Variants in MKNK1 observed in about 807,000 individuals in gnomAD.
The protein encoded by MKNK1 is MAP kinase-interacting serine/threonine-protein kinase 1.
In MKNK1, 30 loss-of-function variants were observed where a neutral mutation model predicts 49.3. That is an observed-to-expected ratio of 0.61 (90% CI 0.46 to 0.83). MKNK1 has a LOEUF of 0.83. Ranked by LOEUF, MKNK1 falls within the 40% of genes least tolerant of loss-of-function variation. The pLI, the probability that MKNK1 is intolerant of heterozygous loss-of-function variation, is 0.00. For missense variants in MKNK1, 423 were observed against 524.7 expected, an observed-to-expected ratio of 0.81 and a Z score of 1.89; for synonymous variants, 176 against 201.7, an observed-to-expected ratio of 0.87 and a Z score of 1.08.
intron 4 of MKNK1, among the ~76,000 whole-genome samples, chr1:46,578,136 C>A (rs1054564894): frequency 6.6e-6 from 1 of 152,344 alleles, no homozygotes; most frequent in South Asian, 2.1e-4. Flanking sequence ...AAGCCTTCCA[C>A]AGCACAGTCT....
intron 8 of MKNK1, among the ~76,000 whole-genome samples, chr1:46,567,244 A>G (rs1463838614): frequency 6.6e-6 from 1 of 152,174 alleles, no homozygotes; most frequent in Non-Finnish European, 1.5e-5. Context: ...CCTGGTCCCA[A>G]TTATTCCTCT....
chr1:46,575,143 G>A (rs1268418066), intron 5 of MKNK1, 123 bp from the exon 6 acceptor site: 3 of 631,988 alleles, frequency 4.7e-6, no homozygotes, highest in Non-Finnish European at 8.2e-6. Context: ...AAACCAACTT[G>A]AAATCAGAAT....
intron 3 of MKNK1, among the ~76,000 whole-genome samples, chr1:46,582,338 G>A (rs1671869445): frequency 6.6e-6 from 1 of 152,212 alleles, no homozygotes; most frequent in Non-Finnish European, 1.5e-5. Flanking sequence ...TTATTCGTAA[G>A]TGTTTTAAAT....
At chr1:46,595,788 A>T (rs771344123) in intron 1 of MKNK1, among the ~76,000 whole-genome samples, 1 of 152,162 alleles carries the variant, frequency 6.6e-6, no homozygotes, top group Non-Finnish European at 1.5e-5. Flanking sequence ...ATCTGGCTCC[A>T]TTAGCCAGGC....
At chr1:46,581,737 C>T (rs939172931) in intron 3 of MKNK1, among the ~76,000 whole-genome samples, 11 of 152,050 alleles carry the variant, frequency 7.2e-5, no homozygotes, top group African/African-American at 2.4e-4. Flanking sequence ...CCAGAAGTCA[C>T]CCACAGGAAA....
chr1:46,581,508 CAAAAAAAAAAA>C (rs36099600), intron 3 of MKNK1, among the ~76,000 whole-genome samples: 7 of 41,634 alleles, frequency 1.7e-4, no homozygotes, highest in South Asian at 1.6e-3. Context: ...GACCCCATAT[CAAAAAAAAAAA>C]AAAAAAAAAA....
At chr1:46,565,182 G>T (rs534948235) in intron 8 of MKNK1, 46 bp from the exon 9 acceptor site, 1 of 1,567,280 alleles carries the variant, frequency 6.4e-7, no homozygotes, top group African/African-American at 1.4e-5. Context: ...AAGAAACTAC[G>T]GGGCAAGAGG....
chr1:46,580,976 C>T (rs972242346), intron 3 of MKNK1, among the ~76,000 whole-genome samples: 5 of 152,162 alleles, frequency 3.3e-5, no homozygotes, highest in Non-Finnish European at 7.4e-5. Flanking sequence ...AATCCTAGCA[C>T]TTTGGGAGGC....
intron 3 of MKNK1, among the ~76,000 whole-genome samples, chr1:46,580,919 C>G (rs1372371679): frequency 6.6e-6 from 1 of 152,156 alleles, no homozygotes; most frequent in Non-Finnish European, 1.5e-5. Context: ...GACAGCATAA[C>G]AGAGTAAGGA....
At chr1:46,602,365 T>C (rs1674850040) in intron 1 of MKNK1, among the ~76,000 whole-genome samples, 1 of 152,094 alleles carries the variant, frequency 6.6e-6, no homozygotes. Flanking sequence ...TGAGCCGAGA[T>C]TGTGCCACTG....
At chr1:46,600,658 C>T (rs1055355784) in intron 1 of MKNK1, among the ~76,000 whole-genome samples, 3 of 152,190 alleles carry the variant, frequency 2.0e-5, no homozygotes, top group Non-Finnish European at 4.4e-5. Context: ...GAGAACTGTT[C>T]CACCCCACTG....
At chr1:46,581,052 T>G (rs1253780040) in intron 3 of MKNK1, among the ~76,000 whole-genome samples, 1 of 151,756 alleles carries the variant, frequency 6.6e-6, no homozygotes. Context: ...CAAGACCCCA[T>G]CTCTAAAATA....
intron 2 of MKNK1, among the ~76,000 whole-genome samples, chr1:46,585,249 C>CA (rs58692301): frequency 4.8e-5 from 3 of 62,132 alleles, no homozygotes; most frequent in East Asian, 5.6e-4. Context: ...GATTCCGTCT[C>CA]AAAAAAAAAA....
intron 1 of MKNK1, among the ~76,000 whole-genome samples, chr1:46,599,840 A>G (rs1300482179): frequency 6.6e-6 from 1 of 152,238 alleles, no homozygotes; most frequent in African/African-American, 2.4e-5. Context: ...GATTAAATAT[A>G]GTATGTAAAG....
chr1:46,562,078 C>T (rs763903806), intron 10 of MKNK1, among the ~76,000 whole-genome samples: 3 of 152,086 alleles, frequency 2.0e-5, no homozygotes, highest in Non-Finnish European at 2.9e-5. Context: ...GTCCCTCTTC[C>T]GCAGGGCAGG....
Position 46,562,364 on chromosome 1 carries a change from C to A in MKNK1, c.804+285G>T, listed in dbSNP as rs1019741740. Among the ~76,000 whole-genome samples, 5 of 136,614 alleles carry A rather than the reference C, an allele frequency of 3.7e-5. No homozygotes were observed. In the Admixed American group the frequency reaches 4.0e-4, roughly 11 times the overall value. 89.6% of individuals were successfully genotyped at this position (136,614 alleles called of 152,430 possible). A position where few individuals can be genotyped will look rare whatever the true frequency, so the allele number is the denominator to read the frequency against. On this transcript the variant is annotated intron_variant, in intron 10 of 12. Coordinates refer to ENST00000371945, the MANE Select transcript of MKNK1 (RefSeq NM_001135553.4). ...TGAGTCGAGATCGTGCCATTGCACTCCAGCCTGGGCGACAGAGAGAGACTC... is the reference window on the plus strand; with the variant it reads ...TGAGTCGAGATCGTGCCATTGCACTACAGCCTGGGCGACAGAGAGAGACTC...
intron 1 of MKNK1, among the ~76,000 whole-genome samples, chr1:46,595,976 G>T (rs755835406): frequency 1.3e-5 from 2 of 152,150 alleles, no homozygotes; most frequent in South Asian, 4.1e-4. Flanking sequence ...TTGAGCTCCT[G>T]AGCTCACGTG....
At chr1:46,574,649 A>C (rs944595237) in intron 6 of MKNK1, 6 of 304,160 alleles carry the variant, frequency 2.0e-5, no homozygotes, top group Non-Finnish European at 3.0e-5. Flanking sequence ...TAATGTAGTT[A>C]AACAGTGAAC....
intron 9 of MKNK1, among the ~76,000 whole-genome samples, chr1:46,564,044 C>CAAAAAAAAAAAAAAAAGAAAAA (rs1668539993): frequency 2.6e-5 from 1 of 39,078 alleles, no homozygotes; most frequent in Non-Finnish European, 4.2e-5. Flanking sequence ...GACTCTGTCT[C>CAAAAAAAAAAAAAAAAGAAAAA]AAAAAAAAAA....
Sources: allele counts gnomAD v4.1 joint callset (sites outside exome capture counted in the v4.1 genomes callset), GRCh38; gene constraint gnomAD v4.1.1; transcripts MANE v1.5; gene names NCBI Gene and HGNC (gene_info 2026-07-23, HGNC 2026-07-21).